The following FANCA variants were observed in gnomAD, a reference collection of about 807,000 sequenced individuals.
FANCA encodes Fanconi anemia group A protein.
In FANCA, 236 loss-of-function variants were observed where a neutral mutation model predicts 194.3. The observed-to-expected ratio is 1.21, with a 90% CI of 1.09 to 1.35. The LOEUF (loss-of-function observed/expected upper bound fraction) is 1.35, where lower values mean the gene tolerates loss of function less well. Among genes scored for constraint, FANCA ranks in the 40% most tolerant of loss-of-function variants. The probability of loss-of-function intolerance (pLI) is 0.00; values close to 1 mark genes in which losing one functional copy is unlikely to be tolerated. For missense variants in FANCA, 2,628 were observed against 1,813.9 expected (o/e 1.45, Z -8.15); for synonymous variants, 1,014 against 715.8 (o/e 1.42, Z -6.65).
chr16:89,815,184 C>G (rs1263753084), intron 2 of FANCA, among the ~76,000 whole-genome samples: 1 of 151,702 alleles, frequency 6.6e-6, no homozygotes, highest in Non-Finnish European at 1.5e-5. Flanking sequence ...TTACAGACAC[C>G]TGCTACCATA....
intron 10 of FANCA, among the ~76,000 whole-genome samples, 185 bp from the exon 11 acceptor site, chr16:89,796,203 G>A (rs887088709): frequency 6.6e-6 from 1 of 152,208 alleles, no homozygotes; most frequent in Non-Finnish European, 1.5e-5. Flanking sequence ...AACGAGAAAG[G>A]GGGCAAGGCA....
At position 89,801,993 on chromosome 16, in the gene FANCA, C is replaced by T. The variant is rs2040472507; in HGVS notation, c.792+1266G>A. On this transcript the variant is annotated intron_variant, in intron 8 of 42. Transcript: ENST00000389301. ...AAAGGAAATCAGCCAGCTGAAGAGA[C>T]ATCTGTACTCCTACATTTATTGTGG... Among the ~76,000 whole-genome samples the T allele has an allele frequency of 2.6e-5, 4 of 152,216 alleles. No individual in the cohort carries two copies. In the South Asian group the frequency reaches 8.3e-4, roughly 32 times the overall value.
chr16:89,769,974 C>T lies in FANCA; in HGVS notation c.2367G>A (p.Val789=), dbSNP rs2143333192. Residue 789 remains valine (V), a synonymous_variant, in exon 26 of 43, where the codon GTG becomes GTA. Transcript: ENST00000389301. ...GCGCAGACCTGGACTCACCCAGGTG[C>T]ACGGCCAGGGCAGCCAACCCCAGCA... is the stretch of plus-strand genomic sequence containing the variant. ...PHVLGLAALA[V]HLGESRSALP... 3 of 1,613,984 alleles carry T rather than the reference C, an allele frequency of 1.9e-6. No homozygotes were observed. The highest frequency in any genetic ancestry group is 1.1e-5 in the South Asian group (1 of 91,086).
chr16:89,739,736 C>G, intron 39 of FANCA, 183 bp from the exon 40 acceptor site: 1 of 1,492,910 alleles, frequency 6.7e-7, no homozygotes, highest in Non-Finnish European at 8.9e-7. Context: ...ATGGGGGGGT[C>G]GACCTCTTGC....
chr16:89,794,454 T>C (rs1356730176), intron 11 of FANCA, among the ~76,000 whole-genome samples: 2 of 151,666 alleles, frequency 1.3e-5, no homozygotes, highest in African/African-American at 2.4e-5. Flanking sequence ...GGGAATAGCT[T>C]GAACCCAGGC....
rs1429943036 is a variant in FANCA, at chr16:89,749,805, C to T, written c.3164G>A (p.Arg1055Gln). The change falls in exon 32 of 43, where the codon CGG becomes CAG. Residue 1055 changes from arginine (R) to glutamine (Q), a missense_variant. Coordinates refer to ENST00000389301, the MANE Select transcript of FANCA (RefSeq NM_000135.4). Reference protein sequence around the residue: ...EHFLFEIFRRRLQALTSGWSV... With the variant: ...EHFLFEIFRRQLQALTSGWSV... ...CCACCCGCTTGTCAGAGCCTGGAGC[C>T]GTCTGCGGAAAATCTCAAAGAGGAA... 10 of 1,614,066 alleles carry T rather than the reference C, an allele frequency of 6.2e-6. No homozygotes were observed. Among genetic ancestry groups the T allele is most frequent in the African/African-American group, 1.3e-5 (1 of 74,914 alleles).
chr16:89,738,747 C>G (rs1454002832), intron 42 of FANCA, 39 bp from the exon 43 acceptor site: 1 of 1,612,944 alleles, frequency 6.2e-7, no homozygotes, highest in East Asian at 2.2e-5. Flanking sequence ...ATGCCGCCCA[C>G]TAGGCCTCAG....
chr16:89,751,266 G>C (rs559474899), intron 31 of FANCA, among the ~76,000 whole-genome samples: 1 of 152,062 alleles, frequency 6.6e-6, no homozygotes, highest in Non-Finnish European at 1.5e-5. Context: ...TTTGGAGACC[G>C]AGATGGGTGG....
rs189841793 is a variant in FANCA at position 89,815,999 on chromosome 16, G to A, written c.80-13C>T. 8.0e-4 allele frequency: 1,288 copies of A among 1,602,378 alleles called. 6 individuals carry two copies. The Middle Eastern group carries it at 9.8e-3, about 12-fold the overall frequency. ...TTGACCCTTCCCGCTACGGAGAGAA[G>A]TCGGTTCGAAACCATCACAGCACAA... is the stretch of plus-strand genomic sequence containing the variant. On this transcript the variant is annotated splice_polypyrimidine_tract_variant and intron_variant, in intron 1 of 42. Coordinates refer to ENST00000389301, the MANE Select transcript of FANCA (RefSeq NM_000135.4).
In FANCA at chr16:89,737,711, G is replaced by A. The variant is rs2061985937; in HGVS notation, c.*890C>T. ...TGCATGGTGAACCATGTGCAGAAAT[G>A]TCTTCCCAGCTGTGATGGTTTCACA... On this transcript the variant is annotated 3_prime_UTR_variant, in exon 43 of 43. Coordinates refer to ENST00000389301, the MANE Select transcript of FANCA (RefSeq NM_000135.4). 4.4e-6 allele frequency: 7 copies of A among 1,590,132 alleles called. No individual in the cohort carries two copies. Among genetic ancestry groups the A allele is most frequent in the East Asian group, 4.5e-5 (2 of 44,464 alleles).
chr16:89,810,676 T>C (rs369216632), intron 5 of FANCA, 31 bp downstream of exon 5: 23 of 1,384,832 alleles, frequency 1.7e-5, no homozygotes, highest in Non-Finnish European at 2.3e-5. Flanking sequence ...CCTGGAACAC[T>C]GGAGAGTCAG....
intron 10 of FANCA, chr16:89,798,387 T>G: frequency 9.5e-7 from 1 of 1,052,584 alleles, no homozygotes; most frequent in South Asian, 4.4e-5. Flanking sequence ...ATTCACTGTT[T>G]CAGTAAAAGT....
rs780078944 is a variant in FANCA at position 89,774,729 on chromosome 16, C to CAAAAAAAAAAAAAA, written c.1900+999_1900+1012dup. Among the ~76,000 whole-genome samples, 177 of 22,194 alleles carry CAAAAAAAAAAAAAA rather than the reference C, an allele frequency of 8.0e-3. 46 individuals are homozygous for CAAAAAAAAAAAAAA. The highest frequency in any genetic ancestry group is 0.01 in the Non-Finnish European group (123 of 12,280). 14.6% of individuals were successfully genotyped at this position (22,194 alleles called of 152,430 possible). ...TGGGCAACAGAGCGAGACTCTGTCT[C>CAAAAAAAAAAAAAA]AAAAAAAAAAAAAAAAAAAAAAAAA... On this transcript the variant is annotated intron_variant, in intron 21 of 42. Transcript: ENST00000389301.
Position 89,764,824 on chromosome 16 carries a change from C to T in FANCA, c.2778+66G>A, listed in dbSNP as rs1483568305. 2 of 1,570,404 alleles carry T rather than the reference C, an allele frequency of 1.3e-6. No individual in the cohort carries two copies. Among genetic ancestry groups the T allele is most frequent in the Non-Finnish European group, 1.7e-6 (2 of 1,142,900 alleles). On this transcript the variant is annotated intron_variant, in intron 28 of 42. Coordinates refer to ENST00000389301, the MANE Select transcript of FANCA (RefSeq NM_000135.4). ...TCACCTACGTGCTGCTGTTCTTGCC[C>T]GAGGAGCACACACAAACCCTAGACT...
At position 89,776,165 on chromosome 16, in the gene FANCA, T is replaced by C. The variant is rs977653365; in HGVS notation, c.1827-350A>G. 7.0e-3 allele frequency among the ~76,000 whole-genome samples: 644 copies of C among 92,452 alleles called. 5 individuals are homozygous for C. The highest frequency in any genetic ancestry group is 0.029 in the African/African-American group (615 of 20,902). The allele number at this position is 92,452 out of a possible 152,430, so 60.7% of individuals were successfully genotyped here. On this transcript the variant is annotated intron_variant, in intron 20 of 42. Coordinates refer to ENST00000389301, the MANE Select transcript of FANCA (RefSeq NM_000135.4). ...AACACGAATCTTTGTTTTTCTTTTT[T>C]TTTTTTTTTTTTTTTTTTTTGAGAC...
At chr16:89,763,856 C>T (rs1243238641) in intron 28 of FANCA, among the ~76,000 whole-genome samples, 3 of 150,916 alleles carry the variant, frequency 2.0e-5, no homozygotes, top group Non-Finnish European at 2.9e-5. Context: ...TCACTTGAAC[C>T]AGAGAGGCAG....
intron 14 of FANCA, 181 bp downstream of exon 14, chr16:89,791,222 C>A: frequency 1.3e-6 from 1 of 796,260 alleles, no homozygotes; most frequent in Non-Finnish European, 2.1e-6. Flanking sequence ...GCTGAGGCCC[C>A]GACAGGGAGA....
intron 6 of FANCA, among the ~76,000 whole-genome samples, chr16:89,807,009 C>T (rs567386641): frequency 1.3e-5 from 2 of 152,208 alleles, no homozygotes; most frequent in East Asian, 1.9e-4. Flanking sequence ...CCGGACGGGG[C>T]GGCTGTTCTA....
Position 89,746,937 on chromosome 16 carries a change from G to T in FANCA, c.3349-47C>A, listed in dbSNP as rs375245934. 4 of 1,511,234 alleles carry T rather than the reference G, an allele frequency of 2.6e-6. No individual in the cohort carries two copies. The East Asian group carries it at 7.4e-5, about 28-fold the overall frequency. The allele number at this position is 1,511,234 out of a possible 1,614,324, so 93.6% of individuals were successfully genotyped here. A position where few individuals can be genotyped will look rare whatever the true frequency, so the allele number is the denominator to read the frequency against. ...GTAAGAAAAGCCCACAGGAAGAGAG[G>T]CGAGACCAACATGCAGAGTGGCTGC... On this transcript the variant is annotated intron_variant, in intron 33 of 42. Transcript: ENST00000389301.
Sources: allele counts gnomAD v4.1 joint callset (sites outside exome capture counted in the v4.1 genomes callset), GRCh38; gene constraint gnomAD v4.1.1; transcripts MANE v1.5; gene names NCBI Gene and HGNC (gene_info 2026-07-23, HGNC 2026-07-21).